The following TGFB2 variants were observed in gnomAD, a reference collection of about 807,000 sequenced individuals.
TGFB2 encodes the protein transforming growth factor beta 2.
A neutral mutation model predicts 42.7 loss-of-function variants in TGFB2; 13 were observed. The ratio of observed to expected loss-of-function variants is 0.30; its 90% CI spans 0.20 to 0.48. The LOEUF is 0.48. Ranked by LOEUF, TGFB2 falls within the 20% of genes least tolerant of loss-of-function variation. The pLI is 0.99. For missense variants in TGFB2, 390 were observed against 517.5 expected, an observed-to-expected ratio of 0.75 and a Z score of 2.39; for synonymous variants, 193 against 193.6, an observed-to-expected ratio of 1.00 and a Z score of 0.03.
chr1:218,394,151 CG>C (rs1245029801), intron 1 of TGFB2, among the ~76,000 whole-genome samples: 1 of 152,110 alleles, frequency 6.6e-6, no homozygotes, highest in East Asian at 1.9e-4. Context: ...CCTCGTGATC[CG>C]CCCGCCTCGG....
chr1:218,424,366 AAC>A (rs1659553899), intron 2 of TGFB2, among the ~76,000 whole-genome samples: 1 of 152,254 alleles, frequency 6.6e-6, no homozygotes, highest in Non-Finnish European at 1.5e-5. Flanking sequence ...AATAGAGTTC[AAC>A]ATTAACAGAT....
At chr1:218,438,296 C>A (rs1660037633) in intron 6 of TGFB2, among the ~76,000 whole-genome samples, 3 of 151,666 alleles carry the variant, frequency 2.0e-5, no homozygotes, top group Admixed American at 6.6e-5. Context: ...AGGTCTCCAT[C>A]TAAAAAAAAA....
chr1:218,381,162 C>T (rs1308115980), intron 1 of TGFB2, among the ~76,000 whole-genome samples: 1 of 152,092 alleles, frequency 6.6e-6, no homozygotes, highest in African/African-American at 2.4e-5. Context: ...TCGCAACTGC[C>T]CTGAAAGTTA....
chr1:218,442,389 A>T lies in TGFB2; in HGVS notation c.*1027A>T, dbSNP rs1341888302. ...CTGCAGATCTCTTTTGCAAACTATTAAATCAAAACATTAACTACTTTATGT... is the reference window on the plus strand; with the variant it reads ...CTGCAGATCTCTTTTGCAAACTATTTAATCAAAACATTAACTACTTTATGT... On this transcript the variant is annotated 3_prime_UTR_variant, in exon 7 of 7. Coordinates refer to ENST00000366930, the MANE Select transcript of TGFB2 (RefSeq NM_003238.6). 2.0e-5 allele frequency: 3 copies of T among 152,182 alleles called. No individual in the cohort carries two copies. Among genetic ancestry groups the T allele is most frequent in the African/African-American group, 7.2e-5 (3 of 41,470 alleles). The allele number at this position is 152,182 out of a possible 1,614,324, so 9.4% of individuals were successfully genotyped here. A position where few individuals can be genotyped will look rare whatever the true frequency, so the allele number is the denominator to read the frequency against.
intron 1 of TGFB2, among the ~76,000 whole-genome samples, chr1:218,367,978 T>C (rs1177929460): frequency 6.6e-6 from 1 of 151,990 alleles, no homozygotes; most frequent in Non-Finnish European, 1.5e-5. Context: ...AATTTTTGTA[T>C]TTTTAGTAGC....
chr1:218,421,869 C>A (rs1386235391), intron 2 of TGFB2, among the ~76,000 whole-genome samples: 1 of 152,110 alleles, frequency 6.6e-6, no homozygotes, highest in Admixed American at 6.6e-5. Context: ...GAAATTGAAG[C>A]TATGCAACTA....
At chr1:218,356,694 T>C (rs1277296008) in intron 1 of TGFB2, among the ~76,000 whole-genome samples, 1 of 152,142 alleles carries the variant, frequency 6.6e-6, no homozygotes, top group African/African-American at 2.4e-5. Context: ...CTGGGGCTGG[T>C]TTCGCTTCTC....
rs1227131209 is a variant in TGFB2, at chr1:218,442,844, TCTAA to T, written c.*1487_*1490del. 8.5e-5 allele frequency: 13 copies of T among 152,284 alleles called. No homozygotes were observed. In the East Asian group the frequency reaches 2.3e-3, roughly 27 times the overall value. 9.4% of individuals were successfully genotyped at this position (152,284 alleles called of 1,614,324 possible). A position where few individuals can be genotyped will look rare whatever the true frequency, so the allele number is the denominator to read the frequency against. On this transcript the variant is annotated 3_prime_UTR_variant, in exon 7 of 7. Coordinates refer to ENST00000366930, the MANE Select transcript of TGFB2 (RefSeq NM_003238.6). ...TTTCATTTTAGCAAGGATTTAGGGT[TCTAA>T]CTAAAACTCAGAATCTTTATTGAGT...
chr1:218,370,391 C>G (rs1657532691), intron 1 of TGFB2, among the ~76,000 whole-genome samples: 1 of 151,974 alleles, frequency 6.6e-6, no homozygotes. Context: ...CATGAAACAC[C>G]AAGAAATGCT....
At chr1:218,390,335 C>T (rs141889771) in intron 1 of TGFB2, among the ~76,000 whole-genome samples, 208 of 148,864 alleles carry the variant, frequency 1.4e-3, no homozygotes, top group African/African-American at 4.8e-3. Flanking sequence ...TAAGCTTCCC[C>T]AAAGAAAAAA....
intron 2 of TGFB2, among the ~76,000 whole-genome samples, chr1:218,430,221 C>A (rs1024034527): frequency 1.3e-5 from 2 of 151,854 alleles, no homozygotes; most frequent in African/African-American, 4.8e-5. Context: ...GGCAAAACCC[C>A]GTCTCTACTA....
At chr1:218,392,069 C>T (rs1003228602) in intron 1 of TGFB2, among the ~76,000 whole-genome samples, 10 of 152,104 alleles carry the variant, frequency 6.6e-5, no homozygotes, top group East Asian at 3.9e-4. Context: ...CTGGCTTGAT[C>T]GGCCAGGCAC....
intron 2 of TGFB2, among the ~76,000 whole-genome samples, chr1:218,422,926 A>G (rs1262905895): frequency 6.6e-6 from 1 of 152,248 alleles, no homozygotes; most frequent in Non-Finnish European, 1.5e-5. Context: ...GATGCTCGGC[A>G]ATGAATGAAT....
chr1:218,418,131 G>T (rs1227931409), intron 2 of TGFB2, among the ~76,000 whole-genome samples: 1 of 152,176 alleles, frequency 6.6e-6, no homozygotes, highest in Non-Finnish European at 1.5e-5. Context: ...CCAACAGCTT[G>T]CACCGTATGC....
chr1:218,429,592 T>A (rs1180210535), intron 2 of TGFB2, among the ~76,000 whole-genome samples: 2 of 152,148 alleles, frequency 1.3e-5, no homozygotes, highest in Non-Finnish European at 2.9e-5. Flanking sequence ...AGCTTTCAGT[T>A]CTTTTGGCTA....
chr1:218,416,071 T>A (rs980312570), intron 2 of TGFB2, among the ~76,000 whole-genome samples: 3 of 152,168 alleles, frequency 2.0e-5, no homozygotes, highest in Non-Finnish European at 4.4e-5. Context: ...AGCCATTGTT[T>A]TATCACTGTG....
chr1:218,388,187 G>C (rs1658199420), intron 1 of TGFB2, among the ~76,000 whole-genome samples: 1 of 152,220 alleles, frequency 6.6e-6, no homozygotes, highest in South Asian at 2.1e-4. Flanking sequence ...GTAATGTGCA[G>C]TTAGTTGTTT....
At chr1:218,418,358 G>T (rs1053637841) in intron 2 of TGFB2, among the ~76,000 whole-genome samples, 6 of 152,174 alleles carry the variant, frequency 3.9e-5, no homozygotes, top group Admixed American at 1.3e-4. Context: ...GGGGCCTACA[G>T]CCCCTTTGTT....
intron 1 of TGFB2, among the ~76,000 whole-genome samples, chr1:218,371,747 A>C (rs542997744): frequency 6.6e-6 from 1 of 152,228 alleles, no homozygotes; most frequent in African/African-American, 2.4e-5. Context: ...GCGAGTTTCC[A>C]TGAGGTTCTG....
Sources: allele counts gnomAD v4.1 joint callset (sites outside exome capture counted in the v4.1 genomes callset), GRCh38; gene constraint gnomAD v4.1.1; transcripts MANE v1.5; gene names NCBI Gene and HGNC (gene_info 2026-07-23, HGNC 2026-07-21).